EYS: variants seen among roughly 807,000 people sequenced by gnomAD.
The protein encoded by EYS is EGF-like photoreceptor maintenance factor, also known as protein eyes shut homolog.
Under a neutral mutation model 282.1 loss-of-function variants are expected in EYS, and 250 were observed. The ratio of observed to expected loss-of-function variants is 0.89; its 90% CI spans 0.80 to 0.98. EYS has a LOEUF of 0.98. Ranked by LOEUF, EYS falls within the 50% of genes least tolerant of loss-of-function variation. The probability of loss-of-function intolerance (pLI) is 0.00; values close to 1 mark genes in which losing one functional copy is unlikely to be tolerated. For missense variants in EYS, 4,016 were observed against 3,709.0 expected, an observed-to-expected ratio of 1.08 and a Z score of -2.15; for synonymous variants, 1,355 against 1,282.9, an observed-to-expected ratio of 1.06 and a Z score of -1.20.
chr6:63,887,949 G>A (rs1258613902), intron 35 of EYS, among the ~76,000 whole-genome samples: 1 of 152,178 alleles, frequency 6.6e-6, no homozygotes, highest in Non-Finnish European at 1.5e-5. Context: ...GGATGCTAGA[G>A]CTTGGTGGGG....
chr6:64,179,028 T>C (rs1764714217), intron 31 of EYS, among the ~76,000 whole-genome samples: 1 of 152,048 alleles, frequency 6.6e-6, no homozygotes, highest in African/African-American at 2.4e-5. Context: ...CTCCTTGGCA[T>C]GAAAAAGCAA....
intron 12 of EYS, among the ~76,000 whole-genome samples, chr6:65,152,721 G>A (rs1185568426): frequency 6.6e-6 from 1 of 151,496 alleles, no homozygotes; most frequent in Non-Finnish European, 1.5e-5. Context: ...GTCATTTTGA[G>A]TACTTTACTT....
chr6:65,481,145 C>G (rs1478124093), intron 5 of EYS, among the ~76,000 whole-genome samples: 1 of 152,016 alleles, frequency 6.6e-6, no homozygotes, highest in African/African-American at 2.4e-5. Flanking sequence ...ATGATAAATG[C>G]TTGAAGTGAT....
chr6:64,459,085 G>A (rs774874897), intron 26 of EYS, among the ~76,000 whole-genome samples: 3 of 152,100 alleles, frequency 2.0e-5, no homozygotes, highest in Non-Finnish European at 4.4e-5. Flanking sequence ...AAAATGTATC[G>A]TAAGCTAGGT....
In EYS at chr6:64,485,905, AT is replaced by A. The variant is rs1380337861; in HGVS notation, c.5645-46554del. On this transcript the variant is annotated intron_variant, in intron 26 of 42. Coordinates refer to ENST00000503581, the MANE Select transcript of EYS (RefSeq NM_001142800.2). ...AGTCAACAAATATTCATATTTCTAT[AT>A]TATGATTATATAAATACTGAGGATT... 1.3e-5 allele frequency among the ~76,000 whole-genome samples: 2 copies of A among 151,504 alleles called. 1 individual carries two copies.
At chr6:65,229,718 G>A (rs1344801758) in intron 12 of EYS, among the ~76,000 whole-genome samples, 1 of 151,758 alleles carries the variant, frequency 6.6e-6, no homozygotes, top group Admixed American at 6.6e-5. Flanking sequence ...GGAGGGTGAA[G>A]AAAAGTGAAA....
intron 11 of EYS, among the ~76,000 whole-genome samples, chr6:65,316,643 C>T (rs1769302568): frequency 6.6e-6 from 1 of 151,726 alleles, no homozygotes; most frequent in African/African-American, 2.4e-5. Flanking sequence ...CCCTCTCCCC[C>T]TGGCAGGCCC....
intron 36 of EYS, among the ~76,000 whole-genome samples, chr6:63,806,583 A>G (rs1292150795): frequency 6.6e-6 from 1 of 152,226 alleles, no homozygotes; most frequent in Non-Finnish European, 1.5e-5. Flanking sequence ...GATCTTCTAT[A>G]TAATCCTTTC....
At chr6:65,089,915 C>G (rs1390574066) in intron 12 of EYS, among the ~76,000 whole-genome samples, 1 of 148,498 alleles carries the variant, frequency 6.7e-6, no homozygotes, top group Non-Finnish European at 1.5e-5. Flanking sequence ...TGAGATCACA[C>G]CACTGCATTC....
chr6:65,152,958 C>T (rs1764647391), intron 12 of EYS, among the ~76,000 whole-genome samples: 1 of 149,628 alleles, frequency 6.7e-6, no homozygotes. Flanking sequence ...CACAAGAGCA[C>T]AGACGGCGAC....
chr6:63,850,316 A>C (rs1772212687), intron 36 of EYS, among the ~76,000 whole-genome samples: 1 of 152,198 alleles, frequency 6.6e-6, no homozygotes, highest in Non-Finnish European at 1.5e-5. Flanking sequence ...AAATTCAGGA[A>C]ATACAGAGAA....
At chr6:64,241,625 A>G (rs1424956132) in intron 30 of EYS, among the ~76,000 whole-genome samples, 2 of 151,672 alleles carry the variant, frequency 1.3e-5, no homozygotes, top group Non-Finnish European at 2.9e-5. Context: ...CAAAAAAAAC[A>G]GCTCCTGGAT....
At chr6:64,387,723 G>T (rs1772960200) in intron 29 of EYS, among the ~76,000 whole-genome samples, 1 of 152,080 alleles carries the variant, frequency 6.6e-6, no homozygotes, top group Non-Finnish European at 1.5e-5. Flanking sequence ...ACAAATATCT[G>T]TTTAATGATC....
intron 24 of EYS, 139 bp downstream of exon 24, chr6:64,617,279 T>G (rs1003790420): frequency 1.4e-5 from 9 of 622,980 alleles, no homozygotes; most frequent in Non-Finnish European, 2.3e-5. Flanking sequence ...CCGAGAAAAG[T>G]GTAGCGTGCA....
At chr6:64,185,491 C>T (rs1389643073) in intron 31 of EYS, among the ~76,000 whole-genome samples, 2 of 152,102 alleles carry the variant, frequency 1.3e-5, no homozygotes, top group Non-Finnish European at 2.9e-5. Context: ...TTTCTGTAAT[C>T]AGTGAATGAC....
chr6:63,973,269 C>T (rs539898211), intron 35 of EYS, among the ~76,000 whole-genome samples: 1 of 152,210 alleles, frequency 6.6e-6, no homozygotes, highest in Non-Finnish European at 1.5e-5. Flanking sequence ...GAGATGGTAT[C>T]TCATTGTGGT....
chr6:63,788,549 C>G (rs1770426241), intron 38 of EYS, among the ~76,000 whole-genome samples: 1 of 152,166 alleles, frequency 6.6e-6, no homozygotes, highest in South Asian at 2.1e-4. Context: ...TATCAATTCT[C>G]CATAGAACCA....
At chr6:64,948,550 A>C (rs2150097892) in intron 14 of EYS, among the ~76,000 whole-genome samples, 1 of 139,320 alleles carries the variant, frequency 7.2e-6, no homozygotes, top group Admixed American at 7.2e-5. Flanking sequence ...AAATATAATT[A>C]ATATTAATAT....
intron 12 of EYS, among the ~76,000 whole-genome samples, chr6:65,273,472 A>G (rs923615376): frequency 4.6e-5 from 7 of 151,762 alleles, no homozygotes; most frequent in Non-Finnish European, 7.3e-5. Flanking sequence ...ACTTTACTCT[A>G]CCTAGCAAGC....
Sources: gnomAD v4.1 joint callset for allele counts (sites outside exome capture counted in the v4.1 genomes callset) on GRCh38, gnomAD v4.1.1 for gene constraint, MANE v1.5 for transcripts, NCBI Gene and HGNC (gene_info 2026-07-23, HGNC 2026-07-21) for gene names.